GATA6: variants seen among roughly 807,000 people sequenced by gnomAD.
GATA6 encodes the protein transcription factor GATA-6.
In GATA6, 11 loss-of-function variants were observed where a neutral mutation model predicts 48.1. That is an observed-to-expected ratio of 0.23 (90% CI 0.14 to 0.38). The LOEUF is 0.38. Ranked by LOEUF, GATA6 falls within the 10% of genes least tolerant of loss-of-function variation. GATA6 has a pLI of 1.00. For missense variants in GATA6, 795 were observed against 850.3 expected (o/e 0.93, Z 0.81); for synonymous variants, 419 against 396.1 (o/e 1.06, Z -0.69).
rs960556642 is a variant in GATA6, at chr18:22,170,325, C to T, written c.-38+643C>T. On this transcript the variant is annotated intron_variant, in intron 1 of 6. Transcript: ENST00000269216. This position sits in a 1 kb window ranked among gnomAD's most constrained non-coding sequence, Gnocchi z 6.7. Reference sequence around the variant, plus strand: ...GTGGCCCGGCCGGCGTGAGCGCGCACGCTGGTGGCTGCAGGCGCGGGCCGT... The same window carrying T: ...GTGGCCCGGCCGGCGTGAGCGCGCATGCTGGTGGCTGCAGGCGCGGGCCGT... Among the ~76,000 whole-genome samples, 1 of 152,222 alleles carries T rather than the reference C, an allele frequency of 6.6e-6. No homozygotes were observed. The highest frequency in any genetic ancestry group is 2.4e-5 in the African/African-American group (1 of 41,464).
Position 22,172,132 on chromosome 18 carries a change from C to T in GATA6, c.988C>T (p.His330Tyr). Residue 330 changes from histidine (H) to tyrosine (Y), a missense_variant, in exon 2 of 7, where the codon CAC (histidine) becomes TAC (tyrosine). Physicochemically the swap from His to Tyr is moderately conservative, Grantham distance 83. Coordinates refer to ENST00000269216, the MANE Select transcript of GATA6 (RefSeq NM_005257.6). This position sits in a 1 kb window ranked among gnomAD's most constrained non-coding sequence, Gnocchi z 5.2. ...GACGTACCACCACCACCACCACCAC[C>T]ACCACCACCATCCGAGCCCCTACTC... ...NGTYHHHHHH[H>Y]HHHPSPYSPY... 2 of 1,526,172 alleles carry T rather than the reference C, an allele frequency of 1.3e-6. No individual in the cohort carries two copies. The highest frequency in any genetic ancestry group is 1.8e-6 in the Non-Finnish European group (2 of 1,142,506). The allele number at this position is 1,526,172 out of a possible 1,614,324, so 94.5% of individuals were successfully genotyped here.
Position 22,200,810 on chromosome 18 carries a change from T to TG in GATA6, c.1777dup (p.Ala593GlyfsTer40). 6.2e-7 allele frequency: 1 copy of TG among 1,611,208 alleles called. No homozygotes were observed. Among genetic ancestry groups the TG allele is most frequent in the Non-Finnish European group, 8.5e-7 (1 of 1,179,264 alleles). On this transcript the variant is annotated frameshift_variant, in exon 7 of 7. Transcript: ENST00000269216. LOFTEE classifies it high-confidence loss of function. ...GTGCGACCGGATTCCTGGTGCGCCCTGGCCCTGGCCTGAGCCCACGCCGCC... is the reference window on the plus strand; with the variant it reads ...GTGCGACCGGATTCCTGGTGCGCCCTGGGCCCTGGCCTGAGCCCACGCCGCC...
Position 22,171,955 on chromosome 18 carries a change from A to G in GATA6, c.811A>G (p.Met271Val). 1.7e-6 allele frequency: 2 copies of G among 1,200,702 alleles called. No homozygotes were observed. The highest frequency in any genetic ancestry group is 4.1e-5 in the South Asian group (1 of 24,148). The allele number at this position is 1,200,702 out of a possible 1,614,324, so 74.4% of individuals were successfully genotyped here. A position where few individuals can be genotyped will look rare whatever the true frequency, so the allele number is the denominator to read the frequency against. The change falls in exon 2 of 7, where the codon ATG (methionine) becomes GTG (valine). Residue 271 changes from methionine (M) to valine (V), a missense_variant. By Grantham distance (21) the Met-to-Val change is conservative. This residue lies in a region of GATA6 where 591 missense variants were observed against 570.0 expected (regional missense o/e 1.04). Transcript: ENST00000269216. The surrounding 1 kb of genome is among the most constrained non-coding windows in gnomAD (Gnocchi z 7.1). ...ARFPYSPSPP[M>V]ANGAAREPGG... ...CTTCCCCTACTCTCCCAGCCCGCCC[A>G]TGGCCAACGGCGCCGCGCGGGAGCC... is the stretch of plus-strand genomic sequence containing the variant.
chr18:22,182,006 C>T (rs1335990595), intron 4 of GATA6, among the ~76,000 whole-genome samples: 1 of 152,138 alleles, frequency 6.6e-6, no homozygotes, highest in African/African-American at 2.4e-5. Context: ...TGTAATCAGA[C>T]ATTTGTGCAA....
At chr18:22,200,568 C>T in intron 6 of GATA6, 88 bp from the exon 7 acceptor site, 8 of 1,536,146 alleles carry the variant, frequency 5.2e-6, no homozygotes, top group Non-Finnish European at 7.2e-6. Context: ...TGCACAGACC[C>T]GTTCATTAGC....
rs1298331135 is a variant in GATA6, at chr18:22,185,783, A to G, written c.1620+2740A>G. ...GGTTGTTTTCATGGCGTGCCTGCGT[A>G]TAACTGTGGATCCCTTCGCACTTTT... is the stretch of plus-strand genomic sequence containing the variant. On this transcript the variant is annotated intron_variant, in intron 6 of 6. Transcript: ENST00000269216. The surrounding 1 kb of genome is among the most constrained non-coding windows in gnomAD (Gnocchi z 4.3). Among the ~76,000 whole-genome samples, 5 of 152,134 alleles carry G rather than the reference A, an allele frequency of 3.3e-5. No individual in the cohort carries two copies. Among genetic ancestry groups the G allele is most frequent in the African/African-American group, 9.7e-5 (4 of 41,444 alleles).
intron 6 of GATA6, among the ~76,000 whole-genome samples, chr18:22,192,953 T>A (rs1010468709): frequency 1.3e-5 from 2 of 152,212 alleles, no homozygotes; most frequent in Non-Finnish European, 2.9e-5. Context: ...GAATAGATTA[T>A]GTGCATAGAA....
chr18:22,171,999 G>A lies in GATA6; in HGVS notation c.855G>A (p.Ala285=). 8.1e-7 allele frequency: 1 copy of A among 1,231,450 alleles called. No homozygotes were observed. Among genetic ancestry groups the A allele is most frequent in the Non-Finnish European group, 1.0e-6 (1 of 988,974 alleles). 76.3% of individuals were successfully genotyped at this position (1,231,450 alleles called of 1,614,324 possible). ...AAREPGGYAA[A]GSGGAGGVSG... Reference sequence around the variant, plus strand: ...GGGAGCCGGGAGGCTACGCGGCGGCGGGCAGTGGGGGCGCGGGAGGCGTGA... The same window carrying A: ...GGGAGCCGGGAGGCTACGCGGCGGCAGGCAGTGGGGGCGCGGGAGGCGTGA... The change falls in exon 2 of 7, where the codon GCG becomes GCA. Residue 285 remains alanine, a synonymous_variant. Coordinates refer to ENST00000269216, the MANE Select transcript of GATA6 (RefSeq NM_005257.6). The surrounding 1 kb of genome is among the most constrained non-coding windows in gnomAD (Gnocchi z 7.1).
intron 3 of GATA6, among the ~76,000 whole-genome samples, chr18:22,178,031 G>C (rs1047816289): frequency 7.4e-6 from 1 of 134,234 alleles, no homozygotes; most frequent in Non-Finnish European, 1.5e-5. Context: ...GCGCGATCTC[G>C]GCTCACCGCA....
chr18:22,200,496 A>AT (rs2033445970), intron 6 of GATA6, 160 bp from the exon 7 acceptor site: 1 of 868,336 alleles, frequency 1.2e-6, no homozygotes, highest in African/African-American at 1.6e-5. Context: ...GGGGCAGGGG[A>AT]TAGTAACGCC....
intron 6 of GATA6, among the ~76,000 whole-genome samples, chr18:22,191,182 G>A (rs2033324973): frequency 6.6e-6 from 1 of 151,908 alleles, no homozygotes; most frequent in African/African-American, 2.4e-5. Flanking sequence ...TGTAACATAT[G>A]TCCACATAAT....
chr18:22,192,742 C>A (rs751854944), intron 6 of GATA6, among the ~76,000 whole-genome samples: 6 of 152,176 alleles, frequency 3.9e-5, no homozygotes, highest in Non-Finnish European at 5.9e-5. Context: ...CATTCTGATT[C>A]ATTTAGAAGA....
intron 3 of GATA6, 144 bp from the exon 4 acceptor site, chr18:22,181,309 A>C: frequency 9.9e-7 from 1 of 1,014,820 alleles, no homozygotes; most frequent in South Asian, 1.5e-5. Flanking sequence ...AGTACACTGC[A>C]ATTTTTTTTC....
chr18:22,170,609 G>GT lies in GATA6; in HGVS notation c.-37-495dup. ...ACAGGTTGCCTTCCTTACGCGAAGG[G>GT]TTTTCCCGTGGGGAACCCTCACCCC... On this transcript the variant is annotated intron_variant, in intron 1 of 6. Transcript: ENST00000269216. The surrounding 1 kb of genome is among the most constrained non-coding windows in gnomAD (Gnocchi z 6.7). 6.6e-6 allele frequency among the ~76,000 whole-genome samples: 1 copy of GT among 152,370 alleles called. No homozygotes were observed. The highest frequency in any genetic ancestry group is 2.1e-4 in the South Asian group (1 of 4,834).
chr18:22,199,561 T>C (rs571279800), intron 6 of GATA6, among the ~76,000 whole-genome samples: 5 of 152,234 alleles, frequency 3.3e-5, no homozygotes, highest in Admixed American at 3.3e-4. Flanking sequence ...CTTTTTCATG[T>C]GAATGGGAGG....
Position 22,200,679 on chromosome 18 carries a change from TGCGGGAGAGAGCACCAATCCC to T in GATA6, c.1646_1666del (p.Ala549_Pro555del). 6.2e-7 allele frequency: 1 copy of T among 1,614,212 alleles called. No individual in the cohort carries two copies. Among genetic ancestry groups the T allele is most frequent in the Non-Finnish European group, 8.5e-7 (1 of 1,180,038 alleles). ...AGGCGGGTGCCCCGGTGATGACTGG[TGCGGGAGAGAGCACCAATCCC>T]GAGAACAGCGAGCTCAAGTATTCGG... On this transcript the variant is annotated inframe_deletion, in exon 7 of 7. Transcript: ENST00000269216.
chr18:22,200,523 C>A (rs1313313511), intron 6 of GATA6, 133 bp from the exon 7 acceptor site: 4 of 1,119,698 alleles, frequency 3.6e-6, no homozygotes, highest in Non-Finnish European at 5.5e-6. Flanking sequence ...ATTTCTCCTG[C>A]CCTGGGTCTG....
intron 6 of GATA6, among the ~76,000 whole-genome samples, chr18:22,197,753 G>C (rs548217701): frequency 6.6e-6 from 1 of 152,190 alleles, no homozygotes; most frequent in African/African-American, 2.4e-5. Flanking sequence ...CTCAGCAGGG[G>C]ACTGAATCAG....
rs763120373 is a variant in GATA6, at chr18:22,171,545, C to A, written c.401C>A (p.Ala134Asp). 21 of 1,603,862 alleles carry A rather than the reference C, an allele frequency of 1.3e-5. No homozygotes were observed. The highest frequency in any genetic ancestry group is 1.1e-5 in the Non-Finnish European group (13 of 1,179,554). Residue 134 changes from alanine to aspartate, a missense_variant, in exon 2 of 7, where the codon GCC becomes GAC. Physicochemically the swap from Ala to Asp is moderately radical, Grantham distance 126. Coordinates refer to ENST00000269216, the MANE Select transcript of GATA6 (RefSeq NM_005257.6). The surrounding 1 kb of genome is among the most constrained non-coding windows in gnomAD (Gnocchi z 7.1). ...AAGCTGCTGTGGTCCAGCCGCGGCG[C>A]CAAGCTGAGCCCCTTCGCACCCGAG... ...ASKLLWSSRG[A>D]KLSPFAPEQP...
Sources: gnomAD v4.1 joint callset for allele counts (sites outside exome capture counted in the v4.1 genomes callset) on GRCh38, gnomAD v4.1.1 for gene constraint, gnomAD v4.1.1 regional missense constraint, Gnocchi (gnomAD v3.1) non-coding constraint, MANE v1.5 for transcripts, NCBI Gene and HGNC (gene_info 2026-07-23, HGNC 2026-07-21) for gene names.